The following HDHD3 variants were observed in gnomAD, a reference collection of about 807,000 sequenced individuals.
HDHD3 encodes haloacid dehalogenase-like hydrolase domain-containing protein 3.
In HDHD3, 6 loss-of-function variants were observed where a neutral mutation model predicts 6.9. The observed-to-expected ratio is 0.87, with a 90% confidence interval of 0.48 to 1.72. The LOEUF (loss-of-function observed/expected upper bound fraction) is 1.72. Among genes scored for constraint, HDHD3 ranks in the 40% most tolerant of loss-of-function variants. The pLI, the probability that HDHD3 is intolerant of heterozygous loss-of-function variation, is 0.01. For missense variants in HDHD3, 308 were observed against 327.4 expected, an observed-to-expected ratio of 0.94 and a Z score of 0.46; for synonymous variants, 139 against 140.7, an observed-to-expected ratio of 0.99 and a Z score of 0.08.
At position 113,373,677 on chromosome 9, in the gene HDHD3, A is replaced by C. The variant is rs2077575289; in HGVS notation, c.678T>G (p.Pro226=). ...CCAGAGAGGGGAGGATGTGTTCTTT[A>C]GGTACAGAATCCCTGACCACGGGGT... ...ALDPVVRDSV[P]KEHILPSLAH... is the part of the protein sequence containing the mutation. The change falls in exon 3 of 3, where the codon CCT becomes CCG. Residue 226 remains proline, a synonymous_variant. Transcript: ENST00000374180. 6.2e-7 allele frequency: 1 copy of C among 1,613,844 alleles called. No individual in the cohort carries two copies. Among genetic ancestry groups the C allele is most frequent in the Non-Finnish European group, 8.5e-7 (1 of 1,179,910 alleles).
intron 2 of HDHD3, 70 bp downstream of exon 2, chr9:113,375,383 T>C (rs1000673165): frequency 6.6e-6 from 1 of 152,346 alleles, no homozygotes; most frequent in African/African-American, 2.4e-5. Context: ...GAAGGGGCCT[T>C]GCAGAGCATA....
In HDHD3 at chr9:113,374,070, G is replaced by C; in HGVS notation, c.285C>G (p.Ala95=). Residue 95 remains alanine (A), a synonymous_variant, in exon 3 of 3, where the codon GCC becomes GCG. Transcript: ENST00000374180. The part of the protein sequence containing the change: ...LAGVQDAQAV[A]PIAEQLYKDF... Reference sequence around the variant, plus strand: ...CTTTATAAAGCTGTTCAGCGATGGGGGCTACAGCCTGAGCATCCTGGACAC... The same window carrying C: ...CTTTATAAAGCTGTTCAGCGATGGGCGCTACAGCCTGAGCATCCTGGACAC... The C allele has an allele frequency of 6.2e-7, 1 of 1,612,110 alleles. No homozygotes were observed.
Position 113,374,455 on chromosome 9 carries a change from C to T in HDHD3, c.-101G>A. On this transcript the variant is annotated 5_prime_UTR_variant, in exon 3 of 3. Transcript: ENST00000374180. ...CACCTCTGCGCAACCTAACAATCAC[C>T]TCTTTCCAGGCCTTGTGGGTCAGAT... 9.0e-7 allele frequency: 1 copy of T among 1,108,566 alleles called. No homozygotes were observed. The highest frequency in any genetic ancestry group is 1.2e-6 in the Non-Finnish European group (1 of 817,414). The allele number at this position is 1,108,566 out of a possible 1,614,324, so 68.7% of individuals were successfully genotyped here.
chr9:113,373,444 T>C lies in HDHD3; in HGVS notation c.*155A>G. 1.3e-6 allele frequency: 1 copy of C among 751,842 alleles called. No individual in the cohort carries two copies. The highest frequency in any genetic ancestry group is 2.1e-6 in the Non-Finnish European group (1 of 480,744). The allele number at this position is 751,842 out of a possible 1,614,324, so 46.6% of individuals were successfully genotyped here. On this transcript the variant is annotated 3_prime_UTR_variant, in exon 3 of 3. Coordinates refer to ENST00000374180, the MANE Select transcript of HDHD3 (RefSeq NM_001304509.2). ...TGGTTAGTGGGGGAAGGGTGAGAGC[T>C]CAGCACTCACTGCTTTATTATCACA...
intron 2 of HDHD3, among the ~76,000 whole-genome samples, chr9:113,374,819 C>G (rs1425008822): frequency 6.6e-6 from 1 of 152,178 alleles, no homozygotes; most frequent in Non-Finnish European, 1.5e-5. Context: ...CCAGGGACCG[C>G]ATCTAGTCTG....
At chr9:113,375,022 C>T (rs1397150355) in intron 2 of HDHD3, among the ~76,000 whole-genome samples, 1 of 152,020 alleles carries the variant, frequency 6.6e-6, no homozygotes, top group African/African-American at 2.4e-5. Context: ...TGCCACCATG[C>T]CCGGCTAATT....
At chr9:113,374,986 C>G (rs1252357395) in intron 2 of HDHD3, among the ~76,000 whole-genome samples, 1 of 152,078 alleles carries the variant, frequency 6.6e-6, no homozygotes, top group Non-Finnish European at 1.5e-5. Context: ...GCTTTAGCCT[C>G]CCTAGTAGCT....
chr9:113,374,811 A>G (rs1432545627), intron 2 of HDHD3, among the ~76,000 whole-genome samples: 1 of 152,230 alleles, frequency 6.6e-6, no homozygotes, highest in African/African-American at 2.4e-5. Flanking sequence ...ATCTAAATCC[A>G]GGGACCGCAT....
At position 113,374,083 on chromosome 9, in the gene HDHD3, G is replaced by T; in HGVS notation, c.272C>A (p.Ala91Asp). The change falls in exon 3 of 3, where the codon GCT becomes GAT. Residue 91 changes from alanine (A) to aspartate (D), a missense_variant. By Grantham distance (126) the Ala-to-Asp change is moderately radical. Transcript: ENST00000374180. ...TTCAGCGATGGGGGCTACAGCCTGA[G>T]CATCCTGGACACCCGCCAGGTGGAA... ...QTFHLAGVQDAQAVAPIAEQL... is the reference protein window; with the variant it reads ...QTFHLAGVQDDQAVAPIAEQL... 6.2e-7 allele frequency: 1 copy of T among 1,609,956 alleles called. No homozygotes were observed. The highest frequency in any genetic ancestry group is 8.5e-7 in the Non-Finnish European group (1 of 1,176,588).
chr9:113,373,605 C>A lies in HDHD3; in HGVS notation c.750G>T (p.Gly250=). The change falls in exon 3 of 3, where the codon GGG becomes GGT. Residue 250 remains glycine, a synonymous_variant. Coordinates refer to ENST00000374180, the MANE Select transcript of HDHD3 (RefSeq NM_001304509.2). ...GCCACTTCCCTCACTGGCCTCAAAG[C>A]CCTGGAGTTGAGCCCTCTAGGCAGT... ...ALDCLEGSTP[G]L The A allele has an allele frequency of 6.4e-7, 1 of 1,568,840 alleles. No homozygotes were observed. The highest frequency in any genetic ancestry group is 8.7e-7 in the Non-Finnish European group (1 of 1,155,806).
rs11327669 is a variant in HDHD3, at chr9:113,376,354, CTTTTTT to C, written c.-291+369_-291+374del. Among the ~76,000 whole-genome samples the C allele has an allele frequency of 9.8e-5, 10 of 101,716 alleles. 2 individuals carry two copies. Among genetic ancestry groups the C allele is most frequent in the African/African-American group, 4.6e-4 (10 of 21,530 alleles). 66.7% of individuals were successfully genotyped at this position (101,716 alleles called of 152,430 possible). A position where few individuals can be genotyped will look rare whatever the true frequency, so the allele number is the denominator to read the frequency against. On this transcript the variant is annotated intron_variant, in intron 1 of 2. Transcript: ENST00000374180. ...CCACTATACCCGGCCGGCTTTTTTT[CTTTTTT>C]TTTTTTTTTGAGACAGAGTCTCACT...
In HDHD3 at chr9:113,374,362, GCCAAGTCCACC is replaced by G; in HGVS notation, c.-19_-9del. The G allele has an allele frequency of 6.6e-7, 1 of 1,508,242 alleles. No homozygotes were observed. The highest frequency in any genetic ancestry group is 8.9e-7 in the Non-Finnish European group (1 of 1,127,712). 93.4% of individuals were successfully genotyped at this position (1,508,242 alleles called of 1,614,324 possible). On this transcript the variant is annotated 5_prime_UTR_variant, in exon 3 of 3. Coordinates refer to ENST00000374180, the MANE Select transcript of HDHD3 (RefSeq NM_001304509.2). ...CTGCAGCCGGTGTGCCATGGAGGAGGCCAAGTCCACCCCAGTTCTGCCTCAGGTCCCACGGT... is the reference window on the plus strand; with the variant it reads ...CTGCAGCCGGTGTGCCATGGAGGAGGCCAGTTCTGCCTCAGGTCCCACGGT...
chr9:113,375,539 A>T lies in HDHD3; in HGVS notation c.-262T>A, dbSNP rs41276801. ...GCCAGTTCTTCCACTGTACCATGAG[A>T]TATATTTGGATTTTAAAAATTGGTG... On this transcript the variant is annotated 5_prime_UTR_variant, in exon 2 of 3. Transcript: ENST00000374180. 0.069 allele frequency: 10,564 copies of T among 152,190 alleles called. 499 individuals carry two copies. Among genetic ancestry groups the T allele is most frequent in the Non-Finnish European group, 0.076 (5,162 of 68,002 alleles). 9.4% of individuals were successfully genotyped at this position (152,190 alleles called of 1,614,324 possible).
At position 113,373,694 on chromosome 9, in the gene HDHD3, C is replaced by T. The variant is rs1240999700; in HGVS notation, c.661G>A (p.Val221Ile). Reference sequence around the variant, plus strand: ...TGTTCTTTAGGTACAGAATCCCTGACCACGGGGTCCAGTGCCTGTGGGCCA... The same window carrying T: ...TGTTCTTTAGGTACAGAATCCCTGATCACGGGGTCCAGTGCCTGTGGGCCA... ...VVGPQALDPV[V>I]RDSVPKEHIL... Residue 221 changes from valine to isoleucine, a missense_variant, in exon 3 of 3, where the codon GTC becomes ATC. By Grantham distance (29) the Val-to-Ile change is conservative (BLOSUM62 3). Coordinates refer to ENST00000374180, the MANE Select transcript of HDHD3 (RefSeq NM_001304509.2). The T allele has an allele frequency of 1.2e-6, 2 of 1,613,998 alleles. No homozygotes were observed. The highest frequency in any genetic ancestry group is 1.7e-6 in the Non-Finnish European group (2 of 1,179,974).
At position 113,373,642 on chromosome 9, in the gene HDHD3, A is replaced by G; in HGVS notation, c.713T>C (p.Leu238Pro). 6.2e-7 allele frequency: 1 copy of G among 1,608,176 alleles called. No individual in the cohort carries two copies. Among genetic ancestry groups the G allele is most frequent in the East Asian group, 2.2e-5 (1 of 44,832 alleles). Residue 238 changes from leucine to proline, a missense_variant, in exon 3 of 3, where the codon CTG becomes CCG. Physicochemically the swap from Leu to Pro is moderately conservative, Grantham distance 98. Transcript: ENST00000374180. ...GCCCTCTAGGCAGTCAAGGGCAGGC[A>G]GGAGATGGGCCAGAGAGGGGAGGAT... ...EHILPSLAHLLPALDCLEGST... is the reference protein window; with the variant it reads ...EHILPSLAHLPPALDCLEGST...
At chr9:113,376,462 C>T (rs1834466194) in intron 1 of HDHD3, among the ~76,000 whole-genome samples, 1 of 144,172 alleles carries the variant, frequency 6.9e-6, no homozygotes, top group African/African-American at 2.7e-5. Context: ...ATTCTCCTTC[C>T]TTAGCCTCCA....
chr9:113,376,085 T>A (rs1834453391), intron 1 of HDHD3: 1 of 144,562 alleles, frequency 6.9e-6, no homozygotes, highest in Non-Finnish European at 1.5e-5. Flanking sequence ...AGGCGGAGTT[T>A]CGTTCTTGTT....
rs756308026 is a variant in HDHD3 at position 113,373,702 on chromosome 9, T to C, written c.653A>G (p.Asp218Gly). The C allele has an allele frequency of 8.7e-6, 14 of 1,613,812 alleles. No individual in the cohort carries two copies. Among genetic ancestry groups the C allele is most frequent in the African/African-American group, 4.0e-5 (3 of 74,876 alleles). ...SFLVVGPQALDPVVRDSVPKE... is the reference protein window; with the variant it reads ...SFLVVGPQALGPVVRDSVPKE... ...AGGTACAGAATCCCTGACCACGGGGTCCAGTGCCTGTGGGCCAACCACCAG... is the reference window on the plus strand; with the variant it reads ...AGGTACAGAATCCCTGACCACGGGGCCCAGTGCCTGTGGGCCAACCACCAG... Residue 218 changes from aspartate to glycine, a missense_variant, in exon 3 of 3, where the codon GAC (aspartate) becomes GGC (glycine). By Grantham distance (94) the Asp-to-Gly change is moderately conservative (BLOSUM62 -1). Transcript: ENST00000374180.
In HDHD3 at chr9:113,373,939, C is replaced by T. The variant is rs528728306; in HGVS notation, c.416G>A (p.Arg139Gln). Residue 139 changes from arginine (R) to glutamine (Q), a missense_variant, in exon 3 of 3, where the codon CGA (arginine) becomes CAA (glutamine). Transcript: ENST00000374180. ...LRLAVISNFD[R>Q]RLEGILGGLG... Reference sequence around the variant, plus strand: ...GCCCCCCAGGATGCCCTCTAGCCGTCGGTCAAAGTTGGAGATCACTGCCAG... The same window carrying T: ...GCCCCCCAGGATGCCCTCTAGCCGTTGGTCAAAGTTGGAGATCACTGCCAG... 1.4e-5 allele frequency: 23 copies of T among 1,614,238 alleles called. No homozygotes were observed. In the East Asian group the frequency reaches 2.2e-4, roughly 16 times the overall value.
Sources: gnomAD v4.1 joint callset for allele counts (sites outside exome capture counted in the v4.1 genomes callset) on GRCh38, gnomAD v4.1.1 for gene constraint, MANE v1.5 for transcripts, NCBI Gene and HGNC (gene_info 2026-07-23, HGNC 2026-07-21) for gene names.